KIF6: variants seen among roughly 807,000 people sequenced by gnomAD.
The protein encoded by KIF6 is kinesin family member 6.
A neutral mutation model predicts 112.7 loss-of-function variants in KIF6; 106 were observed. The ratio of observed to expected loss-of-function variants is 0.94; its 90% CI spans 0.80 to 1.11. KIF6 has a LOEUF of 1.11. Ranked by LOEUF, KIF6 falls within the 50% of genes least tolerant of loss-of-function variation. KIF6 has a pLI of 0.00. For synonymous variants in KIF6, 339 were observed against 339.9 expected (o/e 1.00, Z 0.03); for missense variants, 929 against 964.0 (o/e 0.96, Z 0.48).
chr6:39,503,248 A>G (rs1776237549), intron 13 of KIF6, among the ~76,000 whole-genome samples: 1 of 152,240 alleles, frequency 6.6e-6, no homozygotes, highest in African/African-American at 2.4e-5. Context: ...ACTCTTGGGT[A>G]AATAATGAAA....
intron 13 of KIF6, among the ~76,000 whole-genome samples, chr6:39,487,296 G>T (rs1272875860): frequency 6.6e-6 from 1 of 152,184 alleles, no homozygotes; most frequent in African/African-American, 2.4e-5. Context: ...TCTCCCAGCT[G>T]CTGGGACTGC....
At chr6:39,390,031 C>CAAA (rs943420819) in intron 15 of KIF6, among the ~76,000 whole-genome samples, 14 of 43,482 alleles carry the variant, frequency 3.2e-4, no homozygotes, top group South Asian at 7.7e-4. Flanking sequence ...ACTCTGTCTC[C>CAAA]AAAAAAAAAA....
chr6:39,486,560 T>C (rs765951692), intron 13 of KIF6, among the ~76,000 whole-genome samples: 1 of 152,230 alleles, frequency 6.6e-6, no homozygotes, highest in Non-Finnish European at 1.5e-5. Flanking sequence ...TTTGGAATAG[T>C]TTGTTATGCA....
At chr6:39,434,588 A>AAAAAC (rs546648708) in intron 13 of KIF6, among the ~76,000 whole-genome samples, 2,685 of 151,036 alleles carry the variant, frequency 0.018, 23 homozygotes, top group Non-Finnish European at 0.027. Context: ...AACAAAACAA[A>AAAAAC]AAAACAAAAC....
intron 16 of KIF6, among the ~76,000 whole-genome samples, chr6:39,384,460 A>AG (rs1767234979): frequency 6.6e-6 from 1 of 152,200 alleles, no homozygotes; most frequent in South Asian, 2.1e-4. Flanking sequence ...TGGCGCTGGG[A>AG]GGGCAGTGTA....
intron 15 of KIF6, among the ~76,000 whole-genome samples, chr6:39,387,110 G>A (rs189935169): frequency 2.0e-4 from 30 of 152,048 alleles, no homozygotes; most frequent in Non-Finnish European, 3.7e-4. Context: ...GTCAATTTAG[G>A]AATCCCTTCT....
intron 13 of KIF6, among the ~76,000 whole-genome samples, chr6:39,474,913 T>C (rs1774335178): frequency 6.6e-6 from 1 of 152,272 alleles, no homozygotes; most frequent in Admixed American, 6.5e-5. Flanking sequence ...TTTATTCCTG[T>C]ATGGATTTAG....
chr6:39,432,295 G>A (rs1292308283), intron 13 of KIF6, among the ~76,000 whole-genome samples: 1 of 152,210 alleles, frequency 6.6e-6, no homozygotes, highest in Non-Finnish European at 1.5e-5. Flanking sequence ...GGTTGAGAAT[G>A]AAGCTGGGTG....
At chr6:39,538,511 A>T (rs1778581963) in intron 13 of KIF6, among the ~76,000 whole-genome samples, 1 of 152,156 alleles carries the variant, frequency 6.6e-6, no homozygotes, top group Non-Finnish European at 1.5e-5. Context: ...TCAAAACCAC[A>T]ATGAGATACC....
chr6:39,551,751 G>T (rs960778139), intron 10 of KIF6, among the ~76,000 whole-genome samples: 2 of 152,158 alleles, frequency 1.3e-5, no homozygotes, highest in Non-Finnish European at 2.9e-5. Context: ...TTAAAAAATT[G>T]ACTGTGGTAG....
intron 11 of KIF6, among the ~76,000 whole-genome samples, 191 bp from the exon 12 acceptor site, chr6:39,544,884 C>T (rs1443421125): frequency 6.6e-6 from 1 of 152,024 alleles, no homozygotes; most frequent in African/African-American, 2.4e-5. Context: ...TGCCTTCTTT[C>T]CCCTCCTCCT....
chr6:39,650,228 C>A (rs557475055), intron 3 of KIF6, among the ~76,000 whole-genome samples: 9 of 152,154 alleles, frequency 5.9e-5, no homozygotes, highest in Admixed American at 1.3e-4. Context: ...AGCTTCACAT[C>A]CATAAGTTCA....
At chr6:39,500,216 G>C (rs1562267129) in intron 13 of KIF6, among the ~76,000 whole-genome samples, 2 of 152,190 alleles carry the variant, frequency 1.3e-5, no homozygotes, top group African/African-American at 4.8e-5. Context: ...AGTGCCAATG[G>C]CATGAAAAGT....
chr6:39,374,655 G>A (rs555203123), intron 16 of KIF6, among the ~76,000 whole-genome samples: 1 of 152,292 alleles, frequency 6.6e-6, no homozygotes, highest in African/African-American at 2.4e-5. Flanking sequence ...TTAGGGAAAT[G>A]CAAATTAAAA....
chr6:39,548,879 A>G (rs1388854460), intron 10 of KIF6, among the ~76,000 whole-genome samples: 1 of 152,202 alleles, frequency 6.6e-6, no homozygotes, highest in Non-Finnish European at 1.5e-5. Flanking sequence ...AGCTTTCCTT[A>G]TTCTCTACTT....
At chr6:39,555,896 G>A (rs1222867171) in intron 10 of KIF6, among the ~76,000 whole-genome samples, 1 of 143,740 alleles carries the variant, frequency 7.0e-6, no homozygotes, top group Non-Finnish European at 1.5e-5. Context: ...AGAGATTGCG[G>A]TCAGCCAAGA....
intron 13 of KIF6, among the ~76,000 whole-genome samples, chr6:39,527,989 T>A (rs7771470): frequency 1.9e-3 from 287 of 152,166 alleles, no homozygotes; most frequent in African/African-American, 6.4e-3. Flanking sequence ...ATTTGAAATT[T>A]ACTCTGTCAG....
intron 7 of KIF6, among the ~76,000 whole-genome samples, chr6:39,594,119 C>A (rs903721585): frequency 1.3e-5 from 2 of 151,246 alleles, no homozygotes; most frequent in South Asian, 4.2e-4. Flanking sequence ...ACTACTCACA[C>A]GAGGCTGTCA....
At chr6:39,454,926 A>G (rs1254505963) in intron 13 of KIF6, among the ~76,000 whole-genome samples, 5 of 152,278 alleles carry the variant, frequency 3.3e-5, no homozygotes, top group South Asian at 4.1e-4. Context: ...ACTGCAAGGC[A>G]GCAGCGAGGC....
Sources: allele counts gnomAD v4.1 joint callset (sites outside exome capture counted in the v4.1 genomes callset), GRCh38; gene constraint gnomAD v4.1.1; transcripts MANE v1.5; gene names NCBI Gene and HGNC (gene_info 2026-07-23, HGNC 2026-07-21).